The following SPRED1 variants were observed in gnomAD, a reference collection of about 807,000 sequenced individuals.
SPRED1 encodes the protein sprouty-related, EVH1 domain-containing protein 1.
SPRED1 carries 18 observed loss-of-function variants against 52.3 expected under a neutral mutation model. That is an observed-to-expected ratio of 0.34 (90% CI 0.24 to 0.51). The LOEUF (loss-of-function observed/expected upper bound fraction) is 0.51, where lower values mean the gene tolerates loss of function less well. SPRED1 is among the 20% of genes least tolerant of loss of function. SPRED1 has a pLI of 0.97. For synonymous variants in SPRED1, 155 were observed against 179.7 expected, an observed-to-expected ratio of 0.86 and a Z score of 1.10; for missense variants, 485 against 551.0, an observed-to-expected ratio of 0.88 and a Z score of 1.20.
At chr15:38,327,757 C>T (rs1226420700) in intron 4 of SPRED1, among the ~76,000 whole-genome samples, 3 of 152,190 alleles carry the variant, frequency 2.0e-5, no homozygotes, top group African/African-American at 7.2e-5. Flanking sequence ...TAAATTGGTC[C>T]CACATTTCTG....
chr15:38,349,323 T>C, intron 5 of SPRED1, 99 bp from the exon 6 acceptor site: 1 of 902,946 alleles, frequency 1.1e-6, no homozygotes, highest in Admixed American at 2.0e-5. Flanking sequence ...TTGAAAAACT[T>C]TACTGCTAAT....
At chr15:38,322,505 A>C in intron 3 of SPRED1, 96 bp downstream of exon 3, 10 of 1,284,758 alleles carry the variant, frequency 7.8e-6, no homozygotes, top group Non-Finnish European at 1.0e-5. Flanking sequence ...TTCACACTTT[A>C]ACCATGTCAG....
chr15:38,310,143 G>GTT lies in SPRED1; in HGVS notation c.207+10597_207+10598insTT, dbSNP rs1374692927. Among the ~76,000 whole-genome samples the GTT allele has an allele frequency of 5.9e-5, 8 of 134,954 alleles. No homozygotes were observed. In the East Asian group the frequency reaches 1.9e-3, roughly 32 times the overall value. The allele number at this position is 134,954 out of a possible 152,430, so 88.5% of individuals were successfully genotyped here. A position where few individuals can be genotyped will look rare whatever the true frequency, so the allele number is the denominator to read the frequency against. On this transcript the variant is annotated intron_variant, in intron 2 of 6. Transcript: ENST00000299084. ...TGTGTGTGTGTGTGTGTGTGTGTGT[G>GTT]TGTGTGTGTGTTTGGAGACGAAGTT...
At chr15:38,281,241 G>T (rs570812936) in intron 1 of SPRED1, among the ~76,000 whole-genome samples, 7 of 152,182 alleles carry the variant, frequency 4.6e-5, no homozygotes, top group Non-Finnish European at 1.0e-4. Flanking sequence ...TGATGGAATG[G>T]ACTATCTTGT....
rs148308916 is a variant in SPRED1 at position 38,316,097 on chromosome 15, A to G, written c.208-6144A>G. Among the ~76,000 whole-genome samples, 423 of 151,990 alleles carry G rather than the reference A, an allele frequency of 2.8e-3. 1 individual carries two copies. The highest frequency in any genetic ancestry group is 6.8e-3 in the Middle Eastern group (2 of 294). On this transcript the variant is annotated intron_variant, in intron 2 of 6. Coordinates refer to ENST00000299084, the MANE Select transcript of SPRED1 (RefSeq NM_152594.3). ...ATGTTCCTGGCCTGTTCTATTTTTC[A>G]TAGCTTAATCATTTTATTTTGAACA...
intron 1 of SPRED1, among the ~76,000 whole-genome samples, chr15:38,275,559 G>A (rs1472587706): frequency 1.3e-5 from 2 of 152,086 alleles, no homozygotes; most frequent in African/African-American, 2.4e-5. Context: ...GTGCAATGGC[G>A]TGATCTTGGC....
chr15:38,299,343 G>T, intron 1 of SPRED1, 30 bp from the exon 2 acceptor site: 1 of 1,613,146 alleles, frequency 6.2e-7, no homozygotes, highest in African/African-American at 1.3e-5. Context: ...TTATGGAAAA[G>T]CTAATTCCTG....
chr15:38,281,260 G>C (rs1374349088), intron 1 of SPRED1, among the ~76,000 whole-genome samples: 1 of 152,170 alleles, frequency 6.6e-6, no homozygotes, highest in Non-Finnish European at 1.5e-5. Context: ...GTGAAATTGG[G>C]AGCTTCCTAT....
intron 2 of SPRED1, among the ~76,000 whole-genome samples, chr15:38,314,110 T>C (rs1411121850): frequency 6.6e-6 from 1 of 151,892 alleles, no homozygotes. Flanking sequence ...TGTGGGTAAA[T>C]GATTAATTTA....
chr15:38,283,361 A>G (rs1269611596), intron 1 of SPRED1: 2 of 224,998 alleles, frequency 8.9e-6, no homozygotes, highest in Non-Finnish European at 1.5e-5. Flanking sequence ...ACAATTCAAG[A>G]TGAGATTTGG....
chr15:38,325,778 C>G (rs1233636709), intron 4 of SPRED1, among the ~76,000 whole-genome samples: 1 of 152,112 alleles, frequency 6.6e-6, no homozygotes, highest in Non-Finnish European at 1.5e-5. Context: ...CCAAGCAAGC[C>G]TTAATAGATG....
At chr15:38,339,638 A>T in intron 4 of SPRED1, 99 bp from the exon 5 acceptor site, 1 of 1,245,182 alleles carries the variant, frequency 8.0e-7, no homozygotes, top group Non-Finnish European at 1.2e-6. Context: ...ATATATACTT[A>T]TTGACTTGCT....
At chr15:38,342,694 T>C (rs1245968061) in intron 5 of SPRED1, among the ~76,000 whole-genome samples, 1 of 152,150 alleles carries the variant, frequency 6.6e-6, no homozygotes, top group Non-Finnish European at 1.5e-5. Flanking sequence ...TTTCTACCCT[T>C]CCTATTAAGA....
chr15:38,261,674 C>A (rs1267224278), intron 1 of SPRED1, among the ~76,000 whole-genome samples: 1 of 152,018 alleles, frequency 6.6e-6, no homozygotes, highest in Admixed American at 6.6e-5. Context: ...CCTGGGTTCA[C>A]GCCTTTCTAA....
intron 3 of SPRED1, 136 bp from the exon 4 acceptor site, chr15:38,324,627 A>G: frequency 1.5e-6 from 1 of 669,754 alleles, no homozygotes; most frequent in Non-Finnish European, 2.6e-6. Context: ...AGTGGCCAGT[A>G]CCTTAATTGC....
intron 1 of SPRED1, among the ~76,000 whole-genome samples, chr15:38,267,565 C>T (rs1446732756): frequency 6.6e-6 from 1 of 151,960 alleles, no homozygotes; most frequent in African/African-American, 2.4e-5. Flanking sequence ...TTCTTTGGTA[C>T]CTTGTGGTTT....
intron 2 of SPRED1, among the ~76,000 whole-genome samples, chr15:38,308,302 A>G (rs191147055): frequency 1.3e-5 from 2 of 152,290 alleles, no homozygotes; most frequent in African/African-American, 4.8e-5. Flanking sequence ...GCAAAACTAT[A>G]TTGTCATATC....
intron 2 of SPRED1, among the ~76,000 whole-genome samples, chr15:38,310,115 T>TTGTGTGTGTGTGTGTGTGTGTG (rs767218956): frequency 5.6e-4 from 13 of 23,186 alleles, no homozygotes; most frequent in Admixed American, 2.3e-3. Flanking sequence ...AGACTATTCT[T>TTGTGTGTGTGTGTGTGTGTGTG]TGTGTGTGTG....
chr15:38,324,712 G>A (rs1257686139), intron 3 of SPRED1, 51 bp from the exon 4 acceptor site: 2 of 1,390,494 alleles, frequency 1.4e-6, no homozygotes, highest in Non-Finnish European at 2.0e-6. Context: ...ATTAATACTG[G>A]ACTCTAAGAC....
Sources: gnomAD v4.1 joint callset for allele counts (sites outside exome capture counted in the v4.1 genomes callset) on GRCh38, gnomAD v4.1.1 for gene constraint, MANE v1.5 for transcripts, NCBI Gene and HGNC (gene_info 2026-07-23, HGNC 2026-07-21) for gene names.